MACROD2: variants seen among roughly 807,000 people sequenced by gnomAD.
MACROD2 encodes ADP-ribose glycohydrolase MACROD2.
In MACROD2, 36 loss-of-function variants were observed where a neutral mutation model predicts 70.4. That is an observed-to-expected ratio of 0.51 (90% confidence interval 0.39 to 0.68). The LOEUF is 0.68. Among genes scored for constraint, MACROD2 ranks in the 30% least tolerant of loss-of-function variants. The pLI is 0.00. For missense variants in MACROD2, 496 were observed against 538.4 expected, an observed-to-expected ratio of 0.92 and a Z score of 0.78; for synonymous variants, 172 against 178.8, an observed-to-expected ratio of 0.96 and a Z score of 0.30.
At chr20:14,874,421 A>C (rs2073525862) in intron 5 of MACROD2, among the ~76,000 whole-genome samples, 1 of 151,144 alleles carries the variant, frequency 6.6e-6, no homozygotes, top group Non-Finnish European at 1.5e-5. Flanking sequence ...AAAAAAAAAA[A>C]AAAATTCAAA....
chr20:14,801,482 A>T (rs901419535), intron 5 of MACROD2, among the ~76,000 whole-genome samples: 4 of 152,082 alleles, frequency 2.6e-5, no homozygotes, highest in African/African-American at 9.7e-5. Flanking sequence ...TTTTTTTAAG[A>T]CCTTCTTCTG....
chr20:14,103,277 A>G (rs1222208715), intron 3 of MACROD2, among the ~76,000 whole-genome samples: 2 of 152,158 alleles, frequency 1.3e-5, no homozygotes, highest in African/African-American at 4.8e-5. Flanking sequence ...TTAAAGGAAT[A>G]TCTTCTGAAG....
At chr20:15,113,693 C>T (rs1044057378) in intron 5 of MACROD2, among the ~76,000 whole-genome samples, 7 of 151,608 alleles carry the variant, frequency 4.6e-5, no homozygotes, top group Admixed American at 3.9e-4. Context: ...TTGCCTGTTT[C>T]TTACATACAA....
At chr20:15,142,264 C>A (rs1244709380) in intron 5 of MACROD2, among the ~76,000 whole-genome samples, 1 of 152,106 alleles carries the variant, frequency 6.6e-6, no homozygotes, top group Non-Finnish European at 1.5e-5. Flanking sequence ...AAAAATGTTG[C>A]TAAAACTTTG....
intron 5 of MACROD2, among the ~76,000 whole-genome samples, chr20:14,811,377 C>G (rs2072708835): frequency 6.6e-6 from 1 of 152,048 alleles, no homozygotes; most frequent in Non-Finnish European, 1.5e-5. Context: ...GGAAAACTGG[C>G]TAGCTGTATG....
intron 5 of MACROD2, among the ~76,000 whole-genome samples, chr20:14,737,959 A>G (rs184555356): frequency 6.6e-6 from 1 of 152,280 alleles, no homozygotes; most frequent in East Asian, 1.9e-4. Flanking sequence ...ACATGCTAGG[A>G]GTTAGTTGTT....
At chr20:15,545,230 A>C (rs2048011166) in intron 8 of MACROD2, among the ~76,000 whole-genome samples, 1 of 152,226 alleles carries the variant, frequency 6.6e-6, no homozygotes, top group Non-Finnish European at 1.5e-5. Context: ...GCAAGACAGA[A>C]AGACAAATAA....
intron 5 of MACROD2, among the ~76,000 whole-genome samples, chr20:15,097,552 CCGTAAG>C (rs1419939039): frequency 7.9e-5 from 12 of 151,930 alleles, no homozygotes; most frequent in Non-Finnish European, 1.5e-4. Flanking sequence ...ATGTAAAGTA[CCGTAAG>C]AGTAATGTCC....
chr20:15,751,691 C>A (rs2051272253), intron 8 of MACROD2, among the ~76,000 whole-genome samples: 1 of 151,774 alleles, frequency 6.6e-6, no homozygotes, highest in Non-Finnish European at 1.5e-5. Flanking sequence ...TTTGAAGGTC[C>A]TACATAAGGC....
At chr20:14,843,735 T>A (rs2087263496) in intron 5 of MACROD2, among the ~76,000 whole-genome samples, 1 of 152,154 alleles carries the variant, frequency 6.6e-6, no homozygotes, top group Non-Finnish European at 1.5e-5. Flanking sequence ...GCTACTAACT[T>A]TATTTCTTAC....
In MACROD2 at chr20:14,581,255, T is replaced by C. The variant is rs981809989; in HGVS notation, c.301+87747T>C. On this transcript the variant is annotated intron_variant, in intron 4 of 17. Coordinates refer to ENST00000684519, the MANE Select transcript of MACROD2 (RefSeq NM_001351661.2). ...ATGTGTCTCAACCTTAGCTGCATAT[T>C]AGAATTACCTGGAGAACTCTAAAAA... Among the ~76,000 whole-genome samples, 15 of 152,340 alleles carry C rather than the reference T, an allele frequency of 9.8e-5. No individual in the cohort carries two copies. In the East Asian group the frequency reaches 1.5e-3, roughly 16 times the overall value.
chr20:15,388,617 C>G (rs1407723809), intron 6 of MACROD2, among the ~76,000 whole-genome samples: 1 of 152,064 alleles, frequency 6.6e-6, no homozygotes, highest in Non-Finnish European at 1.5e-5. Context: ...CAGTTATTTG[C>G]TAGATCAGCA....
At chr20:15,513,175 T>A (rs546021536) in intron 8 of MACROD2, among the ~76,000 whole-genome samples, 1 of 152,224 alleles carries the variant, frequency 6.6e-6, no homozygotes, top group Admixed American at 6.5e-5. Context: ...CTGTTTTTTA[T>A]AAGTTCTTTC....
At chr20:15,898,850 A>T (rs1222878094) in intron 10 of MACROD2, among the ~76,000 whole-genome samples, 1 of 152,008 alleles carries the variant, frequency 6.6e-6, no homozygotes, top group Non-Finnish European at 1.5e-5. Context: ...AGATAGATAG[A>T]TGCATACATA....
At chr20:14,974,743 G>C (rs2074722904) in intron 5 of MACROD2, among the ~76,000 whole-genome samples, 1 of 152,044 alleles carries the variant, frequency 6.6e-6, no homozygotes, top group African/African-American at 2.4e-5. Context: ...ACTGCAGTTT[G>C]CACTGCAAGT....
intron 4 of MACROD2, among the ~76,000 whole-genome samples, chr20:14,634,984 G>A (rs551610321): frequency 6.6e-6 from 1 of 152,266 alleles, no homozygotes; most frequent in South Asian, 2.1e-4. Flanking sequence ...GAGAACTCTG[G>A]GGTTAGCATT....
At chr20:14,516,980 A>G (rs1351351354) in intron 4 of MACROD2, among the ~76,000 whole-genome samples, 1 of 152,244 alleles carries the variant, frequency 6.6e-6, no homozygotes, top group East Asian at 1.9e-4. Flanking sequence ...AATCAAAATC[A>G]CAGTGGGATA....
chr20:15,982,549 C>T (rs1249294217), intron 13 of MACROD2, among the ~76,000 whole-genome samples: 1 of 152,086 alleles, frequency 6.6e-6, no homozygotes, highest in Non-Finnish European at 1.5e-5. Flanking sequence ...GAAGCTGCTC[C>T]TATCCACGTA....
chr20:15,651,008 T>C (rs78350795), intron 8 of MACROD2, among the ~76,000 whole-genome samples: 3,745 of 152,336 alleles, frequency 0.025, 69 homozygotes, highest in Non-Finnish European at 0.036. Context: ...CTTTTTGAAA[T>C]TGAAGTGAAT....
Sources: gnomAD v4.1 joint callset for allele counts (sites outside exome capture counted in the v4.1 genomes callset) on GRCh38, gnomAD v4.1.1 for gene constraint, MANE v1.5 for transcripts, NCBI Gene and HGNC (gene_info 2026-07-23, HGNC 2026-07-21) for gene names.